Variants in WDFY3 observed in about 807,000 individuals in gnomAD.
WDFY3 encodes WD repeat and FYVE domain-containing protein 3.
Under a neutral mutation model 409.6 loss-of-function variants are expected in WDFY3, and 66 were observed. That is an observed-to-expected ratio of 0.16 (90% CI 0.13 to 0.20). The LOEUF is 0.20. WDFY3 is among the 10% of genes least tolerant of loss of function. WDFY3 has a pLI of 1.00. For missense variants in WDFY3, 3,031 were observed against 4,298.1 expected (o/e 0.71, Z 8.24); for synonymous variants, 1,521 against 1,537.1 (o/e 0.99, Z 0.25).
intron 1 of WDFY3, among the ~76,000 whole-genome samples, chr4:84,951,123 G>A (rs1191627292): frequency 6.6e-6 from 1 of 152,094 alleles, no homozygotes; most frequent in Non-Finnish European, 1.5e-5. Flanking sequence ...ATATTCCTAT[G>A]ACCCTTTCCT....
At chr4:84,933,538 T>TA (rs973666549) in intron 1 of WDFY3, among the ~76,000 whole-genome samples, 49 of 152,226 alleles carry the variant, frequency 3.2e-4, no homozygotes, top group African/African-American at 1.1e-3. Context: ...TTTTTTGTGT[T>TA]ATGAACATTC....
In WDFY3 at chr4:84,829,020, A is replaced by G; in HGVS notation, c.940T>C (p.Cys314Arg). The G allele has an allele frequency of 6.2e-7, 1 of 1,610,730 alleles. No individual in the cohort carries two copies. The highest frequency in any genetic ancestry group is 8.5e-7 in the Non-Finnish European group (1 of 1,178,560). ...FRIWQGYNFL[C>R]DLLLRLEQAK... ...CAGTCTTACCTAAGCAAGAGATCACAAAGAAAATTATATCCTTGCCATATC... is the reference window on the plus strand; with the variant it reads ...CAGTCTTACCTAAGCAAGAGATCACGAAGAAAATTATATCCTTGCCATATC... The change falls in exon 9 of 68, where the codon TGT (cysteine) becomes CGT (arginine). Residue 314 changes from cysteine (C) to arginine (R), a missense_variant. By Grantham distance (180) the Cys-to-Arg change is radical. Transcript: ENST00000295888.
chr4:84,962,853 T>C (rs1775084248), intron 1 of WDFY3, among the ~76,000 whole-genome samples: 2 of 151,802 alleles, frequency 1.3e-5, no homozygotes, highest in Admixed American at 1.3e-4. Flanking sequence ...TTTGTATTTT[T>C]AGTAGACACG....
rs1448544282 is a variant in WDFY3 at position 84,931,765 on chromosome 4, T to TA, written c.-132+504dup. ...TTATTGAAAAACTAATAACCTCATG[T>TA]AAAAAATAAACTTTTTAATAACAAC... On this transcript the variant is annotated intron_variant, in intron 2 of 67. Transcript: ENST00000295888. Among the ~76,000 whole-genome samples, 6 of 152,084 alleles carry TA rather than the reference T, an allele frequency of 3.9e-5. No individual in the cohort carries two copies. The South Asian group carries it at 6.2e-4, about 16-fold the overall frequency.
At chr4:84,835,538 C>T (rs1756450167) in intron 7 of WDFY3, among the ~76,000 whole-genome samples, 1 of 152,142 alleles carries the variant, frequency 6.6e-6, no homozygotes, top group South Asian at 2.1e-4. Context: ...GAAATGTTAA[C>T]CACAAGCACA....
Position 84,796,735 on chromosome 4 carries a change from G to C in WDFY3, c.2953C>G (p.Leu985Val). The C allele has an allele frequency of 6.2e-7, 1 of 1,612,996 alleles. No homozygotes were observed. The highest frequency in any genetic ancestry group is 2.2e-5 in the East Asian group (1 of 44,798). ...ACATTATCAGTACCCAGACCTTCCA[G>C]AGATGTGATCATACTACCTGTAAGT... ...PEMRSSMITS[L>V]EGLGTDNVFS... The change falls in exon 19 of 68, where the codon CTG (leucine) becomes GTG (valine). Residue 985 changes from leucine (L) to valine (V), a missense_variant. This residue lies in a region of WDFY3 where 1,322 missense variants were observed against 1,697.9 expected (regional missense o/e 0.78). Transcript: ENST00000295888.
chr4:84,883,920 C>T (rs770209620), intron 3 of WDFY3, among the ~76,000 whole-genome samples: 2 of 151,934 alleles, frequency 1.3e-5, no homozygotes, highest in African/African-American at 4.8e-5. Context: ...AAAAAGCAGA[C>T]GTAACGTTCT....
intron 2 of WDFY3, among the ~76,000 whole-genome samples, chr4:84,913,157 T>C (rs1768014936): frequency 6.6e-6 from 1 of 152,150 alleles, no homozygotes; most frequent in East Asian, 1.9e-4. Context: ...ACAACATCTC[T>C]AACTCAGCCT....
At chr4:84,894,659 G>A (rs537288271) in intron 3 of WDFY3, among the ~76,000 whole-genome samples, 2 of 152,088 alleles carry the variant, frequency 1.3e-5, no homozygotes, top group South Asian at 4.2e-4. Flanking sequence ...TGGGGCACAC[G>A]CCTGTATTCC....
Position 84,836,943 on chromosome 4 carries a change from T to G in WDFY3, c.562A>C (p.Lys188Gln). 6.3e-7 allele frequency: 1 copy of G among 1,580,210 alleles called. No individual in the cohort carries two copies. Among genetic ancestry groups the G allele is most frequent in the Non-Finnish European group, 8.6e-7 (1 of 1,163,448 alleles). The change falls in exon 7 of 68, where the codon AAA (lysine) becomes CAA (glutamine). Residue 188 changes from lysine (K) to glutamine (Q), a missense_variant. Coordinates refer to ENST00000295888, the MANE Select transcript of WDFY3 (RefSeq NM_014991.6). ...ACCTTTCATACCTGTACAAAAACTT[T>G]CTGGAGTAGTCCTCGACGTTCTGCT... Reference protein sequence around the residue: ...PLAERRGLLQKVFVQILVKLC... With the variant: ...PLAERRGLLQQVFVQILVKLC...
chr4:84,917,725 T>G (rs192687564), intron 2 of WDFY3, among the ~76,000 whole-genome samples: 64 of 152,014 alleles, frequency 4.2e-4, no homozygotes, highest in African/African-American at 1.4e-3. Flanking sequence ...TGAATATATA[T>G]ATATATAAAT....
intron 27 of WDFY3, among the ~76,000 whole-genome samples, chr4:84,776,699 A>T (rs1421423364): frequency 6.6e-5 from 10 of 152,004 alleles, no homozygotes; most frequent in Non-Finnish European, 1.3e-4. Context: ...TTCTTTTCAC[A>T]TCCTTAGTAA....
In WDFY3 at chr4:84,740,260, G is replaced by C. The variant is rs772469976; in HGVS notation, c.6391C>G (p.Leu2131Val). 1 of 1,614,058 alleles carries C rather than the reference G, an allele frequency of 6.2e-7. No individual in the cohort carries two copies. The highest frequency in any genetic ancestry group is 1.1e-5 in the South Asian group (1 of 91,070). Residue 2131 changes from leucine (L) to valine (V), a missense_variant, in exon 39 of 68, where the codon CTG becomes GTG. Physicochemically the swap from Leu to Val is conservative, Grantham distance 32. Around this residue, in one of 16 missense-constraint regions of WDFY3, gnomAD observed 314 missense variants for 397.4 expected, o/e 0.79. Transcript: ENST00000295888. ...RVLTVNRNLI[L>V]GPGNHDQEFI... ...TCTTGGTCATGGTTCCCAGGTCCCAGGATCAAGTTTCTGTTTACAGTGAGG... is the reference window on the plus strand; with the variant it reads ...TCTTGGTCATGGTTCCCAGGTCCCACGATCAAGTTTCTGTTTACAGTGAGG...
chr4:84,927,793 G>T (rs755822370), intron 2 of WDFY3, among the ~76,000 whole-genome samples: 1 of 152,192 alleles, frequency 6.6e-6, no homozygotes, highest in Non-Finnish European at 1.5e-5. Context: ...CAGCCATGTG[G>T]AACTGTGAAT....
chr4:84,925,776 G>C (rs1769896982), intron 2 of WDFY3, among the ~76,000 whole-genome samples: 1 of 151,978 alleles, frequency 6.6e-6, no homozygotes, highest in South Asian at 2.1e-4. Flanking sequence ...TTTTAAGAGT[G>C]AAATGTCATA....
At chr4:84,792,289 A>C (rs1215744120) in intron 21 of WDFY3, among the ~76,000 whole-genome samples, 3 of 152,228 alleles carry the variant, frequency 2.0e-5, no homozygotes, top group Non-Finnish European at 4.4e-5. Flanking sequence ...GAACTGAATA[A>C]ACTAGGCAGA....
chr4:84,760,158 C>T (rs368577673), intron 32 of WDFY3, among the ~76,000 whole-genome samples: 7 of 151,590 alleles, frequency 4.6e-5, no homozygotes, highest in Non-Finnish European at 1.0e-4. Context: ...TGAAGCCCAC[C>T]TGATCATGGT....
chr4:84,722,336 G>A (rs894399087), intron 46 of WDFY3, among the ~76,000 whole-genome samples: 3 of 152,092 alleles, frequency 2.0e-5, no homozygotes. Flanking sequence ...GCAGTGAGCT[G>A]AGATCACGCC....
intron 3 of WDFY3, among the ~76,000 whole-genome samples, chr4:84,872,230 G>T (rs1420849951): frequency 3.3e-5 from 5 of 151,890 alleles, no homozygotes; most frequent in Admixed American, 1.3e-4. Flanking sequence ...AATTTGGGAG[G>T]CCGAGGTGGG....
Sources: allele counts gnomAD v4.1 joint callset (sites outside exome capture counted in the v4.1 genomes callset), GRCh38; gene constraint gnomAD v4.1.1; regional missense constraint gnomAD v4.1.1; transcripts MANE v1.5; gene names NCBI Gene and HGNC (gene_info 2026-07-23, HGNC 2026-07-21).